The following PLXNA4 variants were observed in gnomAD, a reference collection of about 807,000 sequenced individuals.
PLXNA4 encodes plexin A4.
A neutral mutation model predicts 191.8 loss-of-function variants in PLXNA4; 44 were observed. The observed-to-expected ratio is 0.23, with a 90% CI of 0.18 to 0.29. PLXNA4 has a LOEUF of 0.29. PLXNA4 is among the 10% of genes least tolerant of loss of function. The pLI is 1.00. For missense variants in PLXNA4, 1,800 were observed against 2,488.8 expected, an observed-to-expected ratio of 0.72 and a Z score of 5.89; for synonymous variants, 1,082 against 1,009.5, an observed-to-expected ratio of 1.07 and a Z score of -1.36.
At chr7:132,502,433 CAG>C (rs1798294507) in intron 2 of PLXNA4, among the ~76,000 whole-genome samples, 1 of 152,182 alleles carries the variant, frequency 6.6e-6, no homozygotes, top group Admixed American at 6.5e-5. Flanking sequence ...GGGTAAACTC[CAG>C]AGTCAGGTGG....
chr7:132,358,687 A>T (rs971416233), intron 3 of PLXNA4, among the ~76,000 whole-genome samples: 1 of 152,258 alleles, frequency 6.6e-6, no homozygotes, highest in Non-Finnish European at 1.5e-5. Flanking sequence ...ATAAAGGGAT[A>T]AAAACAAGCT....
At chr7:132,609,119 T>C (rs62465217) in intron 2 of PLXNA4, among the ~76,000 whole-genome samples, 133,892 of 152,222 alleles carry the variant, frequency 0.88, 60,272 homozygotes, top group East Asian at 1. Flanking sequence ...CCATTCCCAG[T>C]GGGATTCATC....
At chr7:132,597,802 T>G (rs895991745) in intron 2 of PLXNA4, among the ~76,000 whole-genome samples, 1 of 152,070 alleles carries the variant, frequency 6.6e-6, no homozygotes, top group African/African-American at 2.4e-5. Context: ...CTTACTCTTT[T>G]CACTCAATAT....
intron 3 of PLXNA4, chr7:132,385,109 T>C (rs1025324490): frequency 6.3e-7 from 1 of 1,577,808 alleles, no homozygotes; most frequent in Non-Finnish European, 8.6e-7. Context: ...GGGAGGTAGA[T>C]GTGTCTCATC....
intron 2 of PLXNA4, among the ~76,000 whole-genome samples, chr7:132,645,281 G>A (rs1458722951): frequency 1.3e-5 from 2 of 152,154 alleles, no homozygotes; most frequent in Admixed American, 6.5e-5. Context: ...GGAGCCTGGT[G>A]GGAGGTGATT....
rs575431879 is a variant in PLXNA4 at position 132,424,102 on chromosome 7, G to A, written c.1371+65190C>T. Reference sequence around the variant, plus strand: ...GCTTTCCCACAGAGAAGGCTGAGACGTTGAAAGGCATGAGCCCACGCCTCC... The same window carrying A: ...GCTTTCCCACAGAGAAGGCTGAGACATTGAAAGGCATGAGCCCACGCCTCC... On this transcript the variant is annotated intron_variant, in intron 3 of 31. Coordinates refer to ENST00000321063, the MANE Select transcript of PLXNA4 (RefSeq NM_020911.2). Among the ~76,000 whole-genome samples, 29 of 152,212 alleles carry A rather than the reference G, an allele frequency of 1.9e-4. 1 individual carries two copies. In the South Asian group the frequency reaches 5.8e-3, roughly 31 times the overall value.
At chr7:132,523,173 A>G (rs1273132495) in intron 1 of PLXNA4, among the ~76,000 whole-genome samples, 1 of 152,208 alleles carries the variant, frequency 6.6e-6, no homozygotes, top group Admixed American at 6.5e-5. Flanking sequence ...CAGAGTTTAC[A>G]TTTAATAGGG....
chr7:132,384,013 C>T lies in PLXNA4; in HGVS notation c.1372-85791G>A, dbSNP rs75491405. 2,354 of 985,444 alleles carry T rather than the reference C, an allele frequency of 2.4e-3. 44 individuals are homozygous for T. The African/African-American group carries it at 0.035, about 15-fold the overall frequency. 61.0% of individuals were successfully genotyped at this position (985,444 alleles called of 1,614,324 possible). On this transcript the variant is annotated intron_variant, in intron 3 of 31. Transcript: ENST00000321063. ...CAGGTGCACATGGCCTGTTACAAACCTCTGCCTCCAGAATATGGACAGTGA... is the reference window on the plus strand; with the variant it reads ...CAGGTGCACATGGCCTGTTACAAACTTCTGCCTCCAGAATATGGACAGTGA...
intron 3 of PLXNA4, among the ~76,000 whole-genome samples, chr7:132,399,208 C>T (rs369711548): frequency 1.3e-5 from 2 of 152,116 alleles, no homozygotes; most frequent in African/African-American, 2.4e-5. Flanking sequence ...TTCAAATGGG[C>T]GCAAGGGCTC....
intron 3 of PLXNA4, among the ~76,000 whole-genome samples, chr7:132,485,806 A>T (rs1264054029): frequency 6.6e-6 from 1 of 152,158 alleles, no homozygotes; most frequent in African/African-American, 2.4e-5. Flanking sequence ...ACATCAGAAA[A>T]CATCAAAGAC....
intron 4 of PLXNA4, among the ~76,000 whole-genome samples, chr7:132,257,006 G>C (rs945359515): frequency 2.0e-5 from 3 of 152,194 alleles, no homozygotes; most frequent in Non-Finnish European, 4.4e-5. Flanking sequence ...GCTCAGGGAG[G>C]ACAGCCTCCA....
intron 2 of PLXNA4, among the ~76,000 whole-genome samples, chr7:132,603,988 G>C (rs771511374): frequency 6.6e-6 from 1 of 152,132 alleles, no homozygotes; most frequent in African/African-American, 2.4e-5. Flanking sequence ...GTTGTGGTGA[G>C]GATTTAAACG....
chr7:132,244,066 C>T (rs1798968226), intron 4 of PLXNA4, among the ~76,000 whole-genome samples: 2 of 152,102 alleles, frequency 1.3e-5, no homozygotes, highest in Admixed American at 1.3e-4. Context: ...CTTTTCTTAG[C>T]TTTTCATTTA....
intron 3 of PLXNA4, among the ~76,000 whole-genome samples, chr7:132,416,313 A>G (rs1264388550): frequency 1.3e-5 from 2 of 152,232 alleles, no homozygotes; most frequent in South Asian, 2.1e-4. Flanking sequence ...ACATGGATCA[A>G]TTGGTTGCTG....
At chr7:132,198,358 A>T in intron 13 of PLXNA4, 127 bp downstream of exon 13, 1 of 1,346,358 alleles carries the variant, frequency 7.4e-7, no homozygotes. Flanking sequence ...ACTCTAAAAT[A>T]TTGGGGTGGT....
At chr7:132,311,199 T>C (rs887356821) in intron 3 of PLXNA4, among the ~76,000 whole-genome samples, 6 of 142,792 alleles carry the variant, frequency 4.2e-5, no homozygotes, top group Non-Finnish European at 6.1e-5. Flanking sequence ...TGTGTGCGCG[T>C]GTGGCCTAAA....
chr7:132,441,253 C>T (rs747410975), intron 3 of PLXNA4, among the ~76,000 whole-genome samples: 3 of 152,286 alleles, frequency 2.0e-5, no homozygotes, highest in Non-Finnish European at 4.4e-5. Flanking sequence ...AAGGTAAATT[C>T]GATGGGTAGG....
At chr7:132,410,384 C>T (rs1294473037) in intron 3 of PLXNA4, among the ~76,000 whole-genome samples, 2 of 152,300 alleles carry the variant, frequency 1.3e-5, no homozygotes, top group East Asian at 1.9e-4. Flanking sequence ...TTCCTGACTT[C>T]GCCCATGAGG....
chr7:132,276,506 G>A (rs1277645726), intron 4 of PLXNA4, among the ~76,000 whole-genome samples: 1 of 151,898 alleles, frequency 6.6e-6, no homozygotes, highest in Non-Finnish European at 1.5e-5. Context: ...CAGGAGGAGT[G>A]CCCAGAAAGC....
Sources: gnomAD v4.1 joint callset for allele counts (sites outside exome capture counted in the v4.1 genomes callset) on GRCh38, gnomAD v4.1.1 for gene constraint, MANE v1.5 for transcripts, NCBI Gene and HGNC (gene_info 2026-07-23, HGNC 2026-07-21) for gene names.